The following TEKT1 variants were observed in gnomAD, a reference collection of about 807,000 sequenced individuals.
TEKT1 encodes the protein tektin 1.
Under a neutral mutation model 34.8 loss-of-function variants are expected in TEKT1, and 32 were observed. That is an observed-to-expected ratio of 0.92 (90% CI 0.69 to 1.23). The LOEUF (loss-of-function observed/expected upper bound fraction) is 1.23. Ranked by LOEUF, TEKT1 falls within the 50% of genes most tolerant of loss-of-function variation. The probability of loss-of-function intolerance (pLI) is 0.00; values close to 1 mark genes in which losing one functional copy is unlikely to be tolerated. For missense variants in TEKT1, 492 were observed against 518.5 expected (o/e 0.95, Z 0.50); for synonymous variants, 207 against 199.8 (o/e 1.04, Z -0.30).
At chr17:6,812,787 C>A (rs1387895533) in intron 6 of TEKT1, 44 bp downstream of exon 6, 3 of 1,582,350 alleles carry the variant, frequency 1.9e-6, no homozygotes, top group African/African-American at 1.3e-5. Flanking sequence ...ATGGTGAAAG[C>A]TCCTGAATCT....
chr17:6,820,406 G>T (rs55680427), intron 2 of TEKT1, among the ~76,000 whole-genome samples: 19,242 of 151,732 alleles, frequency 0.13, 1,471 homozygotes, highest in Admixed American at 0.15. Flanking sequence ...ATAATGAGTA[G>T]TTCAGCATTT....
intron 2 of TEKT1, among the ~76,000 whole-genome samples, chr17:6,824,209 CT>C (rs746168218): frequency 2.6e-5 from 4 of 151,992 alleles, no homozygotes; most frequent in Non-Finnish European, 5.9e-5. Flanking sequence ...TCTCTTGGTC[CT>C]CTTCAACTCA....
intron 2 of TEKT1, among the ~76,000 whole-genome samples, chr17:6,821,077 G>GT (rs2151589900): frequency 6.6e-6 from 1 of 152,168 alleles, no homozygotes; most frequent in East Asian, 1.9e-4. Flanking sequence ...TATATGACCT[G>GT]TTTTTTCCAC....
Position 6,830,382 on chromosome 17 carries a change from G to T in TEKT1, c.-6C>A. ...GGTTGTAATAGTTTAGCCATTTGAG[G>T]TTTCCAAATTCCTGATCAAAAGCAG... On this transcript the variant is annotated 5_prime_UTR_variant, in exon 2 of 8. Transcript: ENST00000338694. The T allele has an allele frequency of 6.4e-7, 1 of 1,553,776 alleles. No homozygotes were observed. Among genetic ancestry groups the T allele is most frequent in the Non-Finnish European group, 8.6e-7 (1 of 1,156,462 alleles).
chr17:6,802,507 G>T (rs939229160), intron 6 of TEKT1, among the ~76,000 whole-genome samples: 2 of 149,620 alleles, frequency 1.3e-5, no homozygotes, highest in African/African-American at 4.9e-5. Context: ...TATACTTTAA[G>T]TTTTAGGGTA....
At chr17:6,823,413 C>G (rs902499512) in intron 2 of TEKT1, among the ~76,000 whole-genome samples, 6 of 152,128 alleles carry the variant, frequency 3.9e-5, no homozygotes, top group African/African-American at 1.2e-4. Context: ...ACTGTTGCTT[C>G]CTCTCTAACT....
At chr17:6,825,841 A>G (rs571771125) in intron 2 of TEKT1, among the ~76,000 whole-genome samples, 1 of 152,288 alleles carries the variant, frequency 6.6e-6, no homozygotes, top group Admixed American at 6.5e-5. Flanking sequence ...TAGCATATTT[A>G]TCCATCCTAC....
chr17:6,806,095 G>T (rs1480280433), intron 6 of TEKT1, among the ~76,000 whole-genome samples: 1 of 152,034 alleles, frequency 6.6e-6, no homozygotes, highest in African/African-American at 2.4e-5. Flanking sequence ...TTATTGTGTG[G>T]GAGTCTAAGT....
rs113845610 is a variant in TEKT1, at chr17:6,813,948, C to T, written c.630-895G>A. The stretch of plus-strand genomic sequence containing the variant: ...AAGACTGTGGCTTCTGTCATCCGTT[C>T]TCTCTCTCTCTCTCTCTCTCTCTCT... On this transcript the variant is annotated intron_variant, in intron 5 of 7. Coordinates refer to ENST00000338694, the MANE Select transcript of TEKT1 (RefSeq NM_053285.2). 7.1e-3 allele frequency among the ~76,000 whole-genome samples: 892 copies of T among 125,110 alleles called. 9 individuals are homozygous for T. Among genetic ancestry groups the T allele is most frequent in the African/African-American group, 0.03 (822 of 27,448 alleles). 82.1% of individuals were successfully genotyped at this position (125,110 alleles called of 152,430 possible).
rs1341186513 is a variant in TEKT1 at position 6,798,858 on chromosome 17, T to A, written c.*1169A>T. On this transcript the variant is annotated 3_prime_UTR_variant, in exon 8 of 8. Coordinates refer to ENST00000338694, the MANE Select transcript of TEKT1 (RefSeq NM_053285.2). ...AGACGATATAGTCCTTTCCTTACTT[T>A]ACAGGTGGTCCTAAAGAAGGAGAGA... The A allele has an allele frequency of 6.6e-6, 1 of 152,226 alleles. No homozygotes were observed. The highest frequency in any genetic ancestry group is 1.5e-5 in the Non-Finnish European group (1 of 68,056). 9.4% of individuals were successfully genotyped at this position (152,226 alleles called of 1,614,324 possible). A position where few individuals can be genotyped will look rare whatever the true frequency, so the allele number is the denominator to read the frequency against.
rs1976759536 is a variant in TEKT1, at chr17:6,800,764, G to T, written c.1032C>A (p.Ile344=). 3 of 1,612,578 alleles carry T rather than the reference G, an allele frequency of 1.9e-6. No individual in the cohort carries two copies. Among genetic ancestry groups the T allele is most frequent in the African/African-American group, 2.7e-5 (2 of 74,866 alleles). The change falls in exon 7 of 8, where the codon ATC becomes ATA. Residue 344 remains isoleucine, a synonymous_variant. Coordinates refer to ENST00000338694, the MANE Select transcript of TEKT1 (RefSeq NM_053285.2). ...TAGCCTACCTTGCGACATTGTGGGT[G>T]ATCTCTTGAACCTCCTTCATTAGCC... is the stretch of plus-strand genomic sequence containing the variant. ...QYRLMKEVQE[I]THNVARLKET...
At chr17:6,828,151 A>C (rs1343170438) in intron 2 of TEKT1, among the ~76,000 whole-genome samples, 1 of 152,106 alleles carries the variant, frequency 6.6e-6, no homozygotes, top group South Asian at 2.1e-4. Flanking sequence ...TCACCATGTT[A>C]GCCAGGATGG....
chr17:6,811,074 A>G lies in TEKT1; in HGVS notation c.852+1757T>C, dbSNP rs886726204. Among the ~76,000 whole-genome samples, 2 of 151,882 alleles carry G rather than the reference A, an allele frequency of 1.3e-5. No homozygotes were observed. The highest frequency in any genetic ancestry group is 1.5e-5 in the Non-Finnish European group (1 of 67,950). On this transcript the variant is annotated intron_variant, in intron 6 of 7. Coordinates refer to ENST00000338694, the MANE Select transcript of TEKT1 (RefSeq NM_053285.2). The surrounding 1 kb of genome is among the most constrained non-coding windows in gnomAD (Gnocchi z 4.4). ...CTTATTTTATTGTTTTATTACCAGT[A>G]TGTCTTTGTTTCTGCTCCTTAGCCT...
rs371622802 is a variant in TEKT1 at position 6,829,108 on chromosome 17, G to T, written c.190+1079C>A. 2.6e-5 allele frequency among the ~76,000 whole-genome samples: 4 copies of T among 152,186 alleles called. No homozygotes were observed. The East Asian group carries it at 5.8e-4, about 22-fold the overall frequency. On this transcript the variant is annotated intron_variant, in intron 2 of 7. Coordinates refer to ENST00000338694, the MANE Select transcript of TEKT1 (RefSeq NM_053285.2). Reference sequence around the variant, plus strand: ...AGAGATTGCAGTGAGCTGAGATTGTGCCACTGTACTCTGGCCTGTGTGATG... The same window carrying T: ...AGAGATTGCAGTGAGCTGAGATTGTTCCACTGTACTCTGGCCTGTGTGATG...
At chr17:6,803,853 G>T (rs1976810590) in intron 6 of TEKT1, among the ~76,000 whole-genome samples, 1 of 152,098 alleles carries the variant, frequency 6.6e-6, no homozygotes, top group Admixed American at 6.5e-5. Flanking sequence ...TGCTGTTTTG[G>T]TTACTGGAGC....
chr17:6,821,037 T>C (rs1458862051), intron 2 of TEKT1, among the ~76,000 whole-genome samples: 5 of 152,220 alleles, frequency 3.3e-5, no homozygotes, highest in African/African-American at 1.2e-4. Flanking sequence ...TGTTGAAAAG[T>C]CTGATGCCAC....
chr17:6,831,271 C>A (rs1275688624), intron 1 of TEKT1, among the ~76,000 whole-genome samples: 1 of 152,166 alleles, frequency 6.6e-6, no homozygotes. Context: ...TCAGACAGGG[C>A]TGAAATCTGC....
At chr17:6,812,747 G>C in intron 6 of TEKT1, 84 bp downstream of exon 6, 1 of 1,322,322 alleles carries the variant, frequency 7.6e-7, no homozygotes, top group East Asian at 2.3e-5. Flanking sequence ...GAAGTCTAGC[G>C]GTCTGGCCCA....
At chr17:6,829,813 T>C (rs1462186944) in intron 2 of TEKT1, among the ~76,000 whole-genome samples, 2 of 152,170 alleles carry the variant, frequency 1.3e-5, no homozygotes, top group South Asian at 2.1e-4. Context: ...GCTGAACCCA[T>C]GGATACAAAG....
Sources: allele counts gnomAD v4.1 joint callset (sites outside exome capture counted in the v4.1 genomes callset), GRCh38; gene constraint gnomAD v4.1.1; non-coding constraint Gnocchi (gnomAD v3.1); transcripts MANE v1.5; gene names NCBI Gene and HGNC (gene_info 2026-07-23, HGNC 2026-07-21).